OTOF: variants seen among roughly 807,000 people sequenced by gnomAD.
OTOF encodes otoferlin.
Under a neutral mutation model 236.8 loss-of-function variants are expected in OTOF, and 218 were observed. The observed-to-expected ratio is 0.92, with a 90% CI of 0.82 to 1.03. The LOEUF (loss-of-function observed/expected upper bound fraction) is 1.03, where lower values mean the gene tolerates loss of function less well. Among genes scored for constraint, OTOF ranks in the 50% least tolerant of loss-of-function variants. OTOF has a pLI of 0.00. For missense variants in OTOF, 2,590 were observed against 2,694.4 expected (o/e 0.96, Z 0.86); for synonymous variants, 1,041 against 1,072.5 (o/e 0.97, Z 0.57).
intron 1 of OTOF, among the ~76,000 whole-genome samples, chr2:26,538,050 G>A (rs558023053): frequency 6.6e-6 from 1 of 152,322 alleles, no homozygotes; most frequent in Admixed American, 6.5e-5. Flanking sequence ...GCTGGTCAGA[G>A]TGGCCGTGGA....
At chr2:26,520,238 C>T (rs560186705) in intron 3 of OTOF, among the ~76,000 whole-genome samples, 3 of 152,032 alleles carry the variant, frequency 2.0e-5, no homozygotes, top group African/African-American at 7.3e-5. Flanking sequence ...CTGGAAGGGA[C>T]CTTGGGCATC....
rs536088908 is a variant in OTOF at position 26,549,593 on chromosome 2, T to A, written c.79+8900A>T. Among the ~76,000 whole-genome samples, 558 of 152,252 alleles carry A rather than the reference T, an allele frequency of 3.7e-3. 2 individuals are homozygous for A. Among genetic ancestry groups the A allele is most frequent in the Non-Finnish European group, 6.0e-3 (410 of 68,014 alleles). On this transcript the variant is annotated intron_variant, in intron 1 of 46. Coordinates refer to ENST00000272371, the MANE Select transcript of OTOF (RefSeq NM_194248.3). ...ACTCTAACCCTTTATTATCCACAAA[T>A]TGTACTAAAATATCATTTCTACCTC...
Position 26,473,225 on chromosome 2 carries a change from G to A in OTOF, c.3640C>T (p.Arg1214Cys), listed in dbSNP as rs754923389. The change falls in exon 29 of 47, where the codon CGC (arginine) becomes TGC (cysteine). Residue 1214 changes from arginine to cysteine, a missense_variant. Physicochemically the swap from Arg to Cys is radical, Grantham distance 180. Transcript: ENST00000272371. The surrounding 1 kb of genome is among the most constrained non-coding windows in gnomAD (Gnocchi z 7.2). ...GCATGGGAGCCCACCAGTGTGTAGCGACCGAAGGCCCGGCAGTCCACCACA... is the reference window on the plus strand; with the variant it reads ...GCATGGGAGCCCACCAGTGTGTAGCAACCGAAGGCCCGGCAGTCCACCACA... ...IRVVDCRAFG[R>C]YTLVGSHAVS... The A allele has an allele frequency of 6.8e-6, 11 of 1,613,206 alleles. No homozygotes were observed. Among genetic ancestry groups the A allele is most frequent in the African/African-American group, 4.0e-5 (3 of 74,914 alleles).
intron 8 of OTOF, among the ~76,000 whole-genome samples, 179 bp from the exon 9 acceptor site, chr2:26,495,252 C>T (rs1665953613): frequency 6.6e-6 from 1 of 151,764 alleles, no homozygotes; most frequent in Non-Finnish European, 1.5e-5. Context: ...GGCTCTTTCT[C>T]CTTCTATGCC....
At position 26,477,460 on chromosome 2, in the gene OTOF, T is replaced by C. The variant is rs1665366199; in HGVS notation, c.2362A>G (p.Thr788Ala). The change falls in exon 20 of 47, where the codon ACC becomes GCC. Residue 788 changes from threonine to alanine, a missense_variant. Physicochemically the swap from Thr to Ala is moderately conservative, Grantham distance 58. Around this residue, in one of 2 missense-constraint regions of OTOF, gnomAD observed 1,379 missense variants for 1,341.6 expected, o/e 1.03. Coordinates refer to ENST00000272371, the MANE Select transcript of OTOF (RefSeq NM_194248.3). The surrounding 1 kb of genome is among the most constrained non-coding windows in gnomAD (Gnocchi z 4.7). The stretch of plus-strand genomic sequence containing the variant: ...TTGAGGCGCTCCCGGTCAAGCCTGG[T>C]GCGGGATGAGTGGCCCTGGTCCTTG... ...ADKDQGHSSR[T>A]RLDRERLKSC... The C allele has an allele frequency of 1.9e-6, 3 of 1,603,348 alleles. No homozygotes were observed. Among genetic ancestry groups the C allele is most frequent in the African/African-American group, 1.3e-5 (1 of 74,880 alleles).
intron 11 of OTOF, among the ~76,000 whole-genome samples, chr2:26,485,432 A>G (rs1665677117): frequency 6.6e-6 from 1 of 152,064 alleles, no homozygotes; most frequent in Non-Finnish European, 1.5e-5. Flanking sequence ...TTTGGCTCTG[A>G]TTTTAGACTG....
Position 26,463,550 on chromosome 2 carries a change from C to A in OTOF, c.5125G>T (p.Asp1709Tyr), listed in dbSNP as rs1380599350. The A allele has an allele frequency of 6.2e-7, 1 of 1,606,806 alleles. No homozygotes were observed. The highest frequency in any genetic ancestry group is 8.5e-7 in the Non-Finnish European group (1 of 1,176,936). Residue 1709 changes from aspartate to tyrosine, a missense_variant, in exon 41 of 47, where the codon GAC becomes TAC. Around this residue, in one of 2 missense-constraint regions of OTOF, gnomAD observed 1,211 missense variants for 1,352.8 expected, o/e 0.90. Coordinates refer to ENST00000272371, the MANE Select transcript of OTOF (RefSeq NM_194248.3). ...GCTGGCATGTCCATGGGGAACATGT[C>A]CACCCACAGCTCCAGGCGGCCCTGA... ...IEQGRLELWV[D>Y]MFPMDMPAPG...
intron 11 of OTOF, among the ~76,000 whole-genome samples, chr2:26,487,852 C>T (rs143158051): frequency 6.6e-6 from 1 of 152,340 alleles, no homozygotes; most frequent in East Asian, 1.9e-4. Context: ...CTCCCCATGG[C>T]ACTGATGGTC....
Position 26,474,001 on chromosome 2 carries a change from T to G in OTOF, c.3398A>C (p.Tyr1133Ser), listed in dbSNP as rs1338461495. 6.2e-7 allele frequency: 1 copy of G among 1,612,778 alleles called. No homozygotes were observed. The highest frequency in any genetic ancestry group is 8.5e-7 in the Non-Finnish European group (1 of 1,179,874). The change falls in exon 27 of 47, where the codon TAC (tyrosine) becomes TCC (serine). Residue 1133 changes from tyrosine to serine, a missense_variant. Transcript: ENST00000272371. ...ACAGAGCCCTCGCACCTCCACTCGG[T>G]ACTTGCTGAGCACGGGCCGGATGCC... ...PMGIRPVLSK[Y>S]RVEVLFWGLR...
At position 26,494,656 on chromosome 2, in the gene OTOF, T is replaced by TA. The variant is rs1553356373; in HGVS notation, c.897+285_897+286insT. ...GAACCAGGCCTCTTGGGGAGTGGGGTGGGGGGGGGTTCTTTCACAGGCACT... is the reference window on the plus strand; with the variant it reads ...GAACCAGGCCTCTTGGGGAGTGGGGTAGGGGGGGGGTTCTTTCACAGGCACT... On this transcript the variant is annotated intron_variant, in intron 9 of 46. Coordinates refer to ENST00000272371, the MANE Select transcript of OTOF (RefSeq NM_194248.3). 0.049 allele frequency among the ~76,000 whole-genome samples: 5,828 copies of TA among 118,568 alleles called. 263 individuals are homozygous for TA. The highest frequency in any genetic ancestry group is 0.11 in the African/African-American group (3,641 of 32,300). 77.8% of individuals were successfully genotyped at this position (118,568 alleles called of 152,430 possible). A position where few individuals can be genotyped will look rare whatever the true frequency, so the allele number is the denominator to read the frequency against.
chr2:26,479,197 G>A, intron 18 of OTOF, 67 bp downstream of exon 18: 1 of 1,587,544 alleles, frequency 6.3e-7, no homozygotes, highest in East Asian at 2.3e-5. Flanking sequence ...GTGTTCCAGG[G>A]AAGGCCCTCT....
At chr2:26,550,657 A>G (rs960518697) in intron 1 of OTOF, among the ~76,000 whole-genome samples, 3 of 152,074 alleles carry the variant, frequency 2.0e-5, no homozygotes, top group Non-Finnish European at 4.4e-5. Flanking sequence ...CAGGACCACA[A>G]TTGACTCTTG....
In OTOF at chr2:26,467,263, C is replaced by A. The variant is rs1196655536; in HGVS notation, c.4228-30G>T. ...GACAGACCAGGCTGTTAGGGGGCGG[C>A]TGCCTGGTCTCTGGCTTTTGTCCTG... is the stretch of plus-strand genomic sequence containing the variant. On this transcript the variant is annotated intron_variant, in intron 34 of 46. Transcript: ENST00000272371. 4 of 1,614,068 alleles carry A rather than the reference C, an allele frequency of 2.5e-6. No homozygotes were observed. In the African/African-American group the frequency reaches 5.3e-5, roughly 22 times the overall value.
rs780908753 is a variant in OTOF, at chr2:26,463,988, G to A, written c.5079C>T (p.Asn1693=). The change falls in exon 40 of 47, where the codon AAC becomes AAT. Residue 1693 remains asparagine, a synonymous_variant. Transcript: ENST00000272371. Reference sequence around the variant, plus strand: ...CCTGCTCGATGCCCGGCTTGTCGGGGTTGAGCAGCGGCCTCGTCTCCACAT... The same window carrying A: ...CCTGCTCGATGCCCGGCTTGTCGGGATTGAGCAGCGGCCTCGTCTCCACAT... The part of the protein sequence containing the change: ...PEHVETRPLL[N]PDKPGIEQGR... 1 of 1,613,814 alleles carries A rather than the reference G, an allele frequency of 6.2e-7. No homozygotes were observed. The highest frequency in any genetic ancestry group is 1.1e-5 in the South Asian group (1 of 91,088).
At chr2:26,459,059 A>G (rs1664325739) in intron 46 of OTOF, among the ~76,000 whole-genome samples, 1 of 152,200 alleles carries the variant, frequency 6.6e-6, no homozygotes, top group Non-Finnish European at 1.5e-5. Flanking sequence ...AGCTCTGAGC[A>G]CCTGCAGTTG....
intron 1 of OTOF, among the ~76,000 whole-genome samples, chr2:26,552,911 G>A (rs1206093587): frequency 6.6e-6 from 1 of 152,218 alleles, no homozygotes; most frequent in Non-Finnish European, 1.5e-5. Flanking sequence ...AAGAGAGGGG[G>A]TGCTAGGCTG....
In OTOF at chr2:26,467,482, C is replaced by G. The variant is rs1213700050; in HGVS notation, c.4110G>C (p.Lys1370Asn). ...TGGCAGCCCTTGCCTTCTCCTTGCC[C>G]TTCATTGACCCCTTCAGGCCTGGCC... ...DNTEGLKGSM[K>N]GKEKARAAKE... Residue 1370 changes from lysine (K) to asparagine (N), a missense_variant, in exon 34 of 47, where the codon AAG becomes AAC. Transcript: ENST00000272371. The G allele has an allele frequency of 1.9e-6, 3 of 1,613,968 alleles. No homozygotes were observed. In the African/African-American group the frequency reaches 4.0e-5, roughly 22 times the overall value.
rs1664944874 is a variant in OTOF, at chr2:26,470,910, C to A, written c.3895-189G>T. Among the ~76,000 whole-genome samples, 2 of 152,178 alleles carry A rather than the reference C, an allele frequency of 1.3e-5. No homozygotes were observed. Among genetic ancestry groups the A allele is most frequent in the Admixed American group, 1.3e-4 (2 of 15,280 alleles). On this transcript the variant is annotated intron_variant, in intron 31 of 46. Transcript: ENST00000272371. This position sits in a 1 kb window ranked among gnomAD's most constrained non-coding sequence, Gnocchi z 4.3. Reference sequence around the variant, plus strand: ...TGCCACAGGCCACAGAGTGTTGTGACCTGCCAGTGCGATCCACTCGCCCAA... The same window carrying A: ...TGCCACAGGCCACAGAGTGTTGTGAACTGCCAGTGCGATCCACTCGCCCAA...
chr2:26,534,232 GTTC>G (rs1472406342), intron 2 of OTOF, among the ~76,000 whole-genome samples: 1 of 152,180 alleles, frequency 6.6e-6, no homozygotes, highest in African/African-American at 2.4e-5. Context: ...AATAGCAGCA[GTTC>G]TTCTTATCAT....
Sources: allele counts gnomAD v4.1 joint callset (sites outside exome capture counted in the v4.1 genomes callset), GRCh38; gene constraint gnomAD v4.1.1; regional missense constraint gnomAD v4.1.1; non-coding constraint Gnocchi (gnomAD v3.1); transcripts MANE v1.5; gene names NCBI Gene and HGNC (gene_info 2026-07-23, HGNC 2026-07-21).